ATG13: variants seen among roughly 807,000 people sequenced by gnomAD.
ATG13 encodes autophagy-related protein 13.
A neutral mutation model predicts 65.5 loss-of-function variants in ATG13; 23 were observed. That is an observed-to-expected ratio of 0.35 (90% confidence interval 0.25 to 0.50). The LOEUF (loss-of-function observed/expected upper bound fraction) is 0.50. ATG13 is among the 20% of genes least tolerant of loss of function. The probability of loss-of-function intolerance (pLI) is 0.98; values close to 1 mark genes in which losing one functional copy is unlikely to be tolerated. For synonymous variants in ATG13, 252 were observed against 245.2 expected, an observed-to-expected ratio of 1.03 and a Z score of -0.26; for missense variants, 566 against 677.0, an observed-to-expected ratio of 0.84 and a Z score of 1.82.
chr11:46,655,195 C>G lies in ATG13; in HGVS notation c.459-1038C>G, dbSNP rs749762166. On this transcript the variant is annotated intron_variant, in intron 7 of 18. Transcript: ENST00000683050. ...CGGGCGGATCACGAGATCAGGAGAT[C>G]GAAACCATCCTGGCTAACACGGCGA... 3.3e-5 allele frequency among the ~76,000 whole-genome samples: 5 copies of G among 152,148 alleles called. No homozygotes were observed. In the South Asian group the frequency reaches 1.0e-3, roughly 32 times the overall value.
At chr11:46,647,425 G>A (rs749544403) in intron 5 of ATG13, among the ~76,000 whole-genome samples, 2 of 151,378 alleles carry the variant, frequency 1.3e-5, no homozygotes, top group African/African-American at 2.4e-5. Context: ...TTACAGGTGC[G>A]TGCCACCATG....
At chr11:46,661,564 A>C (rs1398547882) in intron 11 of ATG13, among the ~76,000 whole-genome samples, 1 of 151,114 alleles carries the variant, frequency 6.6e-6, no homozygotes, top group African/African-American at 2.4e-5. Context: ...TCAGTAGCTC[A>C]TGCCTGTAGT....
At chr11:46,668,380 C>A in intron 15 of ATG13, 119 bp from the exon 16 acceptor site, 1 of 974,872 alleles carries the variant, frequency 1.0e-6, no homozygotes, top group Non-Finnish European at 1.6e-6. Context: ...GCCTAAGGGG[C>A]AGCATGGTCA....
intron 2 of ATG13, among the ~76,000 whole-genome samples, chr11:46,642,019 C>G (rs2056190813): frequency 6.6e-6 from 1 of 152,104 alleles, no homozygotes; most frequent in South Asian, 2.1e-4. Flanking sequence ...TGTGATCCTG[C>G]AAGTGATCCA....
At chr11:46,664,702 C>T (rs1317849992) in intron 12 of ATG13, 147 bp from the exon 13 acceptor site, 3 of 662,948 alleles carry the variant, frequency 4.5e-6, no homozygotes, top group Non-Finnish European at 7.9e-6. Context: ...GTCCCTAACC[C>T]CTATCACGTC....
chr11:46,645,350 G>C lies in ATG13; in HGVS notation c.81G>C (p.Val27=). Residue 27 remains valine, a synonymous_variant, in exon 4 of 19, where the codon GTG becomes GTC. Transcript: ENST00000683050. The part of the protein sequence containing the change: ...IKFFALKTVQ[V]IVQARLGEKI... ...TTTTTTTTCTTTAGACTGTCCAAGT[G>C]ATTGTCCAGGCTCGGCTTGGTGAAA... 6.2e-7 allele frequency: 1 copy of C among 1,613,158 alleles called. No homozygotes were observed. The highest frequency in any genetic ancestry group is 1.3e-5 in the African/African-American group (1 of 74,854).
intron 7 of ATG13, among the ~76,000 whole-genome samples, chr11:46,650,532 C>T (rs1029103396): frequency 5.9e-5 from 9 of 152,294 alleles, no homozygotes; most frequent in African/African-American, 1.4e-4. Flanking sequence ...TATGCACAAT[C>T]GTGATTCCTG....
At chr11:46,654,512 G>C (rs895233729) in intron 7 of ATG13, among the ~76,000 whole-genome samples, 4 of 151,570 alleles carry the variant, frequency 2.6e-5, no homozygotes, top group African/African-American at 9.7e-5. Flanking sequence ...CTTGAGTTCA[G>C]GAGTTCGATA....
At chr11:46,619,653 G>T (rs1338366919) in intron 1 of ATG13, among the ~76,000 whole-genome samples, 3 of 151,976 alleles carry the variant, frequency 2.0e-5, no homozygotes, top group African/African-American at 7.2e-5. Flanking sequence ...CTCCCAAAGT[G>T]CTGGGATTAC....
At chr11:46,633,635 C>T (rs1434758973) in intron 2 of ATG13, among the ~76,000 whole-genome samples, 6 of 152,106 alleles carry the variant, frequency 3.9e-5, no homozygotes, top group African/African-American at 7.2e-5. Context: ...GCGTGAGCCA[C>T]CGTGCCTGGC....
At chr11:46,634,288 C>T (rs1443984688) in intron 2 of ATG13, among the ~76,000 whole-genome samples, 4 of 151,820 alleles carry the variant, frequency 2.6e-5, no homozygotes, top group African/African-American at 7.2e-5. Flanking sequence ...TTAATAGAGA[C>T]GGGGTTTCAC....
chr11:46,653,453 C>T (rs183155349), intron 7 of ATG13, among the ~76,000 whole-genome samples: 8 of 152,132 alleles, frequency 5.3e-5, no homozygotes, highest in East Asian at 1.9e-4. Flanking sequence ...GGATTACAGG[C>T]GTGAGCCACC....
intron 7 of ATG13, among the ~76,000 whole-genome samples, chr11:46,652,983 C>T (rs1417548756): frequency 6.6e-6 from 1 of 151,938 alleles, no homozygotes; most frequent in Non-Finnish European, 1.5e-5. Context: ...TACATATTGT[C>T]TATGGCTACT....
At chr11:46,663,970 C>CTTTTT in intron 11 of ATG13, 27 bp from the exon 12 acceptor site, 1 of 754,630 alleles carries the variant, frequency 1.3e-6, no homozygotes, top group Non-Finnish European at 1.9e-6. Context: ...TTTTGTTTCT[C>CTTTTT]CTGTCTCTGT....
rs770242753 is a variant in ATG13 at position 46,667,807 on chromosome 11, G to A, written c.1171G>A (p.Gly391Arg). Residue 391 changes from glycine to arginine, a missense_variant, in exon 15 of 19, where the codon GGA becomes AGA. Gly to Arg is a moderately radical substitution (Grantham distance 125). This residue lies in a region of ATG13 where 387 missense variants were observed against 409.8 expected (regional missense o/e 0.94). Transcript: ENST00000683050. ...TGAAACCGTATCAAACAGCAGTGAG[G>A]GACGGGCCTCCCCTCACGATGTCTT... is the stretch of plus-strand genomic sequence containing the variant. ...DTETVSNSSE[G>R]RASPHDVLET... 2.5e-6 allele frequency: 4 copies of A among 1,611,184 alleles called. No individual in the cohort carries two copies. The highest frequency in any genetic ancestry group is 1.3e-5 in the African/African-American group (1 of 74,870).
chr11:46,619,372 C>CTTTTATTTTTTTTTTTTTTTTTTTTTT (rs2046541660), intron 1 of ATG13, among the ~76,000 whole-genome samples: 1 of 35,328 alleles, frequency 2.8e-5, no homozygotes, highest in Non-Finnish European at 5.4e-5. Flanking sequence ...AGATTTCTTG[C>CTTTTATTTTTTTTTTTTTTTTTTTTTT]TTTTTTTTTT....
chr11:46,666,650 C>G (rs1009850243), intron 14 of ATG13, among the ~76,000 whole-genome samples: 2 of 152,172 alleles, frequency 1.3e-5, no homozygotes, highest in African/African-American at 2.4e-5. Context: ...AGTGATTGGC[C>G]TGAGCTCAGT....
chr11:46,644,355 C>A lies in ATG13; in HGVS notation c.64C>A (p.Leu22Ile). The change falls in exon 3 of 19, where the codon CTC becomes ATC. Residue 22 changes from leucine to isoleucine, a missense_variant. Physicochemically the swap from Leu to Ile is conservative, Grantham distance 5. Transcript: ENST00000683050. ...GGACAAGTTTATTAAATTTTTTGCC[C>A]TCAAGGTAATGTGTCCATTCTCTTG... The part of the protein sequence containing the change: ...DLDKFIKFFA[L>I]KTVQVIVQAR... 1 of 1,608,176 alleles carries A rather than the reference C, an allele frequency of 6.2e-7. No homozygotes were observed. Among genetic ancestry groups the A allele is most frequent in the Non-Finnish European group, 8.5e-7 (1 of 1,177,818 alleles).
chr11:46,631,410 A>T lies in ATG13; in HGVS notation c.-14+1310A>T, dbSNP rs546736325. 3.3e-4 allele frequency among the ~76,000 whole-genome samples: 50 copies of T among 152,332 alleles called. No homozygotes were observed. In the South Asian group the frequency reaches 3.3e-3, roughly 10 times the overall value. On this transcript the variant is annotated intron_variant, in intron 2 of 18. Coordinates refer to ENST00000683050, the MANE Select transcript of ATG13 (RefSeq NM_001346311.2). ...CAAAAGTAAGTAAAAGATGTAGAGA[A>T]CTTGCTTACCTAGTTAAATGTTGTT...
Sources: allele counts gnomAD v4.1 joint callset (sites outside exome capture counted in the v4.1 genomes callset), GRCh38; gene constraint gnomAD v4.1.1; regional missense constraint gnomAD v4.1.1; transcripts MANE v1.5; gene names NCBI Gene and HGNC (gene_info 2026-07-23, HGNC 2026-07-21).